The following ABCD4 variants were observed in gnomAD, a reference collection of about 807,000 sequenced individuals.
ABCD4 encodes lysosomal cobalamin transporter ABCD4.
A neutral mutation model predicts 86.3 loss-of-function variants in ABCD4; 53 were observed. The observed-to-expected ratio is 0.61, with a 90% CI of 0.49 to 0.77. The LOEUF (loss-of-function observed/expected upper bound fraction) is 0.77. Ranked by LOEUF, ABCD4 falls within the 30% of genes least tolerant of loss-of-function variation. The pLI, the probability that ABCD4 is intolerant of heterozygous loss-of-function variation, is 0.00. For missense variants in ABCD4, 757 were observed against 764.5 expected (o/e 0.99, Z 0.12); for synonymous variants, 328 against 313.6 (o/e 1.05, Z -0.49).
chr14:74,299,446 C>G, intron 3 of ABCD4, 102 bp downstream of exon 3: 1 of 1,457,492 alleles, frequency 6.9e-7, no homozygotes, highest in Non-Finnish European at 9.4e-7. Flanking sequence ...AAACACACCC[C>G]CACAGCTTGC....
chr14:74,298,207 T>A, intron 3 of ABCD4, 138 bp from the exon 4 acceptor site: 1 of 1,443,402 alleles, frequency 6.9e-7, no homozygotes, highest in East Asian at 2.6e-5. Flanking sequence ...TCAGCACTTT[T>A]CTTTTTTAAA....
intron 3 of ABCD4, 76 bp from the exon 4 acceptor site, chr14:74,298,145 G>C: frequency 6.4e-7 from 1 of 1,561,056 alleles, no homozygotes; most frequent in Non-Finnish European, 8.6e-7. Context: ...AGGCTCGCAA[G>C]AGCCTCCGCT....
At position 74,290,026 on chromosome 14, in the gene ABCD4, C is replaced by A; in HGVS notation, c.1419+1G>T. 1 of 1,614,132 alleles carries A rather than the reference C, an allele frequency of 6.2e-7. No individual in the cohort carries two copies. The highest frequency in any genetic ancestry group is 8.5e-7 in the Non-Finnish European group (1 of 1,180,028). On this transcript the variant is annotated splice_donor_variant, in intron 13 of 18. Transcript: ENST00000356924. LOFTEE classifies it high-confidence loss of function. Reference sequence around the variant, plus strand: ...GAGTGAGCCCCCTGAACTAGACTGACCTGCTCCCGAAGGGTCCCGTCAGTG... The same window carrying A: ...GAGTGAGCCCCCTGAACTAGACTGAACTGCTCCCGAAGGGTCCCGTCAGTG...
intron 14 of ABCD4, 124 bp downstream of exon 14, chr14:74,289,359 C>T: frequency 6.7e-7 from 1 of 1,490,836 alleles, no homozygotes; most frequent in Non-Finnish European, 8.9e-7. Context: ...AGAGGAGCCC[C>T]TCTTCCTTGA....
chr14:74,295,617 G>T, intron 6 of ABCD4: 1 of 581,854 alleles, frequency 1.7e-6, no homozygotes. Context: ...AGGCAGACAC[G>T]GTTCTCAGAC....
At chr14:74,300,682 A>C (rs1261233494) in intron 1 of ABCD4, among the ~76,000 whole-genome samples, 1 of 152,176 alleles carries the variant, frequency 6.6e-6, no homozygotes, top group Admixed American at 6.5e-5. Flanking sequence ...TATCATGTTA[A>C]TAGAAGGAAA....
intron 4 of ABCD4, 131 bp from the exon 5 acceptor site, chr14:74,296,580 A>C: frequency 1.3e-6 from 1 of 774,064 alleles, no homozygotes; most frequent in Non-Finnish European, 2.1e-6. Context: ...CTATGGGAAG[A>C]GGGAACCAGA....
In ABCD4 at chr14:74,298,076, A is replaced by T; in HGVS notation, c.286-7T>A. 1 of 1,612,962 alleles carries T rather than the reference A, an allele frequency of 6.2e-7. No individual in the cohort carries two copies. The highest frequency in any genetic ancestry group is 8.5e-7 in the Non-Finnish European group (1 of 1,179,726). ...ACTGATCAAAGCTCTTCAGCTGTGC[A>T]GTGGGGGAAGCAAGGGGAAGGGAGA... On this transcript the variant is annotated splice_polypyrimidine_tract_variant and splice_region_variant and intron_variant, in intron 3 of 18. Transcript: ENST00000356924.
chr14:74,297,518 A>C (rs1204538198), intron 4 of ABCD4: 1 of 158,838 alleles, frequency 6.3e-6, no homozygotes, highest in Non-Finnish European at 1.4e-5. Context: ...GAAGACTAAG[A>C]TATAAAGTAT....
At chr14:74,288,121 G>T in intron 16 of ABCD4, 86 bp downstream of exon 16, 1 of 1,452,128 alleles carries the variant, frequency 6.9e-7, no homozygotes. Context: ...TTGGGGTCAG[G>T]AGCCGTTCCA....
At chr14:74,289,407 G>C in intron 14 of ABCD4, 76 bp downstream of exon 14, 3 of 1,593,026 alleles carry the variant, frequency 1.9e-6, no homozygotes, top group Non-Finnish European at 2.6e-6. Context: ...CAAGGGCACA[G>C]ATGAGGCCAC....
rs2083763919 is a variant in ABCD4, at chr14:74,299,526, CAG to C, written c.285+20_285+21del. 1.9e-6 allele frequency: 3 copies of C among 1,612,108 alleles called. No homozygotes were observed. The highest frequency in any genetic ancestry group is 1.3e-5 in the African/African-American group (1 of 74,958). On this transcript the variant is annotated intron_variant, in intron 3 of 18. Coordinates refer to ENST00000356924, the MANE Select transcript of ABCD4 (RefSeq NM_005050.4). ...ACTGGACTGGAGAGGACGAGAGACA[CAG>C]AGAGAGGGAAAGATCTTACCGTGGA... is the stretch of plus-strand genomic sequence containing the variant.
Position 74,286,352 on chromosome 14 carries a change from C to T in ABCD4, c.*109G>A, listed in dbSNP as rs1555391209. 14 of 1,220,344 alleles carry T rather than the reference C, an allele frequency of 1.1e-5. No homozygotes were observed. In the East Asian group the frequency reaches 2.1e-4, roughly 18 times the overall value. 75.6% of individuals were successfully genotyped at this position (1,220,344 alleles called of 1,614,324 possible). A position where few individuals can be genotyped will look rare whatever the true frequency, so the allele number is the denominator to read the frequency against. On this transcript the variant is annotated 3_prime_UTR_variant, in exon 19 of 19. Transcript: ENST00000356924. ...GCACAGGACCCATGTGGCTCCTGCACGGGATCTATGTGGCGAACCTGAGCT... is the reference window on the plus strand; with the variant it reads ...GCACAGGACCCATGTGGCTCCTGCATGGGATCTATGTGGCGAACCTGAGCT...
At chr14:74,302,633 GGGTC>G (rs2084969111) in intron 1 of ABCD4, among the ~76,000 whole-genome samples, 1 of 152,226 alleles carries the variant, frequency 6.6e-6, no homozygotes, top group Non-Finnish European at 1.5e-5. Flanking sequence ...GCGAGGGTGA[GGGTC>G]CCACACCGCA....
chr14:74,293,473 C>G (rs998346465), intron 7 of ABCD4: 1 of 433,824 alleles, frequency 2.3e-6, no homozygotes, highest in South Asian at 5.3e-5. Flanking sequence ...TAGTTCAAAT[C>G]CTGGCTCTGG....
intron 12 of ABCD4, 39 bp downstream of exon 12, chr14:74,290,252 C>T (rs1188966398): frequency 1.2e-6 from 2 of 1,613,356 alleles, no homozygotes; most frequent in African/African-American, 1.3e-5. Flanking sequence ...ACCCCTAGGG[C>T]CCAGGCTGGG....
At chr14:74,301,250 C>CA (rs1226203872) in intron 1 of ABCD4, among the ~76,000 whole-genome samples, 26 of 151,830 alleles carry the variant, frequency 1.7e-4, no homozygotes, top group African/African-American at 6.3e-4. Context: ...ACCTCTGCCT[C>CA]CCGGGTTCAA....
intron 3 of ABCD4, 70 bp from the exon 4 acceptor site, chr14:74,298,139 T>G: frequency 6.4e-7 from 1 of 1,573,166 alleles, no homozygotes; most frequent in Non-Finnish European, 8.6e-7. Context: ...AGCTCAAGGC[T>G]CGCAAGAGCC....
In ABCD4 at chr14:74,290,683, C is replaced by CTTTT. The variant is rs35144250; in HGVS notation, c.1119-188_1119-185dup. 5.9e-4 allele frequency among the ~76,000 whole-genome samples: 61 copies of CTTTT among 103,948 alleles called. 2 individuals are homozygous for CTTTT. Among genetic ancestry groups the CTTTT allele is most frequent in the African/African-American group, 2.2e-3 (55 of 25,406 alleles). The allele number at this position is 103,948 out of a possible 152,430, so 68.2% of individuals were successfully genotyped here. On this transcript the variant is annotated intron_variant, in intron 11 of 18. Transcript: ENST00000356924. ...ATGTAACTGCATTCGGAGGCAGGGT[C>CTTTT]TTTTTTTTTTTTTTTTTTTTTGAGA... is the stretch of plus-strand genomic sequence containing the variant.
Sources: allele counts gnomAD v4.1 joint callset (sites outside exome capture counted in the v4.1 genomes callset), GRCh38; gene constraint gnomAD v4.1.1; transcripts MANE v1.5; gene names NCBI Gene and HGNC (gene_info 2026-07-23, HGNC 2026-07-21).